Variants in IDNK observed in about 807,000 individuals in gnomAD.
The protein encoded by IDNK is gluconokinase.
IDNK carries 9 observed loss-of-function variants against 13.0 expected under a neutral mutation model. That is an observed-to-expected ratio of 0.69 (90% CI 0.42 to 1.21). The LOEUF (loss-of-function observed/expected upper bound fraction) is 1.21. IDNK is among the 50% of genes most tolerant of loss of function. The pLI, the probability that IDNK is intolerant of heterozygous loss-of-function variation, is 0.00. For missense variants in IDNK, 210 were observed against 237.8 expected, an observed-to-expected ratio of 0.88 and a Z score of 0.77; for synonymous variants, 92 against 94.9, an observed-to-expected ratio of 0.97 and a Z score of 0.18.
At chr9:83,624,188 A>T (rs1415923637) in intron 1 of IDNK, among the ~76,000 whole-genome samples, 3 of 152,220 alleles carry the variant, frequency 2.0e-5, no homozygotes, top group Admixed American at 2.0e-4. Context: ...CCTAGCTGCC[A>T]TATGATTTGA....
intron 1 of IDNK, 43 bp downstream of exon 1, chr9:83,623,264 C>T: frequency 1.5e-6 from 2 of 1,366,790 alleles, no homozygotes; most frequent in Non-Finnish European, 1.9e-6. Flanking sequence ...ACAAGTGTTG[C>T]GGGCGCGGCG....
chr9:83,636,248 G>A (rs1196511792), intron 3 of IDNK, among the ~76,000 whole-genome samples: 1 of 152,122 alleles, frequency 6.6e-6, no homozygotes, highest in Admixed American at 6.6e-5. Flanking sequence ...AACAGTGGCT[G>A]GGTCTCCCTA....
At chr9:83,626,505 C>G (rs1279882166) in intron 1 of IDNK, 1 of 401,464 alleles carries the variant, frequency 2.5e-6, no homozygotes, top group Admixed American at 2.6e-5. Flanking sequence ...CAACCTCTGC[C>G]TCCTGAGTTC....
intron 3 of IDNK, among the ~76,000 whole-genome samples, chr9:83,635,022 G>A (rs1033197008): frequency 3.9e-5 from 6 of 152,050 alleles, no homozygotes; most frequent in Non-Finnish European, 4.4e-5. Context: ...ATGGAGATTC[G>A]CAGCCCACGG....
intron 1 of IDNK, among the ~76,000 whole-genome samples, chr9:83,626,224 C>G (rs1269796714): frequency 6.6e-6 from 1 of 152,162 alleles, no homozygotes; most frequent in South Asian, 2.1e-4. Flanking sequence ...TTGGGCCCAG[C>G]ACTGTGCCTT....
At chr9:83,628,420 G>C (rs1830920425) in intron 2 of IDNK, among the ~76,000 whole-genome samples, 1 of 152,168 alleles carries the variant, frequency 6.6e-6, no homozygotes, top group Admixed American at 6.5e-5. Context: ...ACTTTGGGAG[G>C]TGGGCAGATC....
intron 3 of IDNK, among the ~76,000 whole-genome samples, chr9:83,633,554 T>C (rs1389922239): frequency 6.6e-6 from 1 of 152,226 alleles, no homozygotes; most frequent in African/African-American, 2.4e-5. Context: ...GTTTGTGGAA[T>C]TAAGGCCCAG....
intron 1 of IDNK, among the ~76,000 whole-genome samples, chr9:83,626,113 G>A (rs745481084): frequency 6.6e-5 from 10 of 152,168 alleles, no homozygotes; most frequent in Non-Finnish European, 1.2e-4. Flanking sequence ...CCATTGGTCT[G>A]TGTTGTCTTT....
intron 1 of IDNK, among the ~76,000 whole-genome samples, chr9:83,623,860 A>G (rs1175492396): frequency 1.3e-5 from 2 of 152,198 alleles, no homozygotes; most frequent in South Asian, 2.1e-4. Context: ...TGAGGAGTTA[A>G]CATTTGGCTT....
chr9:83,628,131 T>C (rs1447552981), intron 1 of IDNK, 50 bp from the exon 2 acceptor site: 3 of 1,550,038 alleles, frequency 1.9e-6, no homozygotes, highest in East Asian at 2.4e-5. Flanking sequence ...AGAAGGAAGC[T>C]CCACACATTG....
chr9:83,641,718 G>C, intron 4 of IDNK, 127 bp downstream of exon 4: 1 of 957,536 alleles, frequency 1.0e-6, no homozygotes, highest in Non-Finnish European at 1.6e-6. Context: ...CTAGAAACTG[G>C]CTGCACTTCT....
Position 83,623,152 on chromosome 9 carries a change from GA to G in IDNK, c.-18del. 1 of 1,416,070 alleles carries G rather than the reference GA, an allele frequency of 7.1e-7. No homozygotes were observed. Among genetic ancestry groups the G allele is most frequent in the Non-Finnish European group, 9.2e-7 (1 of 1,090,212 alleles). 87.7% of individuals were successfully genotyped at this position (1,416,070 alleles called of 1,614,324 possible). ...GCCGGCGGGGCCCGGAAGGCGACGG[GA>G]AGGAGCCGAGCTTGGGTTATGGCGG... On this transcript the variant is annotated 5_prime_UTR_variant, in exon 1 of 5. Transcript: ENST00000376419.
intron 1 of IDNK, 60 bp downstream of exon 1, chr9:83,623,281 G>A (rs1830751961): frequency 1.7e-5 from 22 of 1,331,116 alleles, no homozygotes; most frequent in Non-Finnish European, 2.1e-5. Flanking sequence ...GGCGGAGGCC[G>A]GACGCGTCGC....
intron 1 of IDNK, chr9:83,626,910 A>G (rs558509874): frequency 1.0e-6 from 1 of 961,542 alleles, no homozygotes; most frequent in Admixed American, 5.8e-5. Flanking sequence ...GTTTGGTACA[A>G]CTGTGTCTAA....
chr9:83,635,498 T>A (rs1488436080), intron 3 of IDNK, among the ~76,000 whole-genome samples: 2 of 152,216 alleles, frequency 1.3e-5, no homozygotes, highest in African/African-American at 4.8e-5. Context: ...CACATTTCAA[T>A]CTACAGTGCC....
intron 3 of IDNK, among the ~76,000 whole-genome samples, chr9:83,635,690 T>C (rs1464992577): frequency 6.6e-6 from 1 of 152,220 alleles, no homozygotes; most frequent in Non-Finnish European, 1.5e-5. Context: ...ATTTAACCCT[T>C]AGAGAACAAT....
intron 3 of IDNK, among the ~76,000 whole-genome samples, chr9:83,633,344 T>TA (rs1358970644): frequency 6.6e-6 from 1 of 152,006 alleles, no homozygotes; most frequent in Non-Finnish European, 1.5e-5. Context: ...ATCTCAAAAA[T>TA]AAAAAAATAA....
intron 1 of IDNK, among the ~76,000 whole-genome samples, chr9:83,625,888 G>A (rs746857762): frequency 3.3e-5 from 5 of 152,088 alleles, no homozygotes; most frequent in Non-Finnish European, 5.9e-5. Flanking sequence ...CTGGCATTTC[G>A]TAGATACTAA....
chr9:83,642,040 C>T (rs557216503), intron 4 of IDNK, among the ~76,000 whole-genome samples: 47 of 152,290 alleles, frequency 3.1e-4, no homozygotes, highest in Non-Finnish European at 6.3e-4. Context: ...CTTCCCTTTA[C>T]TTCAAGCTGT....
Sources: gnomAD v4.1 joint callset for allele counts (sites outside exome capture counted in the v4.1 genomes callset) on GRCh38, gnomAD v4.1.1 for gene constraint, MANE v1.5 for transcripts, NCBI Gene and HGNC (gene_info 2026-07-23, HGNC 2026-07-21) for gene names.